Variants in TMC1 observed in about 807,000 individuals in gnomAD.
TMC1 encodes transmembrane channel like 1.
Under a neutral mutation model 105.8 loss-of-function variants are expected in TMC1, and 84 were observed. The ratio of observed to expected loss-of-function variants is 0.79; its 90% confidence interval spans 0.67 to 0.95. TMC1 has a LOEUF of 0.95. Ranked by LOEUF, TMC1 falls within the 40% of genes least tolerant of loss-of-function variation. The probability of loss-of-function intolerance (pLI) is 0.00; values close to 1 mark genes in which losing one functional copy is unlikely to be tolerated. For missense variants in TMC1, 817 were observed against 914.1 expected (o/e 0.89, Z 1.37); for synonymous variants, 315 against 311.5 (o/e 1.01, Z -0.12).
Position 72,812,557 on chromosome 9 carries a change from C to G in TMC1, c.1696-3586C>G, listed in dbSNP as rs566825296. Among the ~76,000 whole-genome samples, 10 of 152,254 alleles carry G rather than the reference C, an allele frequency of 6.6e-5. 1 individual carries two copies. The highest frequency in any genetic ancestry group is 2.2e-4 in the African/African-American group (9 of 41,544). On this transcript the variant is annotated intron_variant, in intron 18 of 23. Transcript: ENST00000297784. ...TGGAATTTGAGCATACATCAGAATC[C>G]CCTGAGGACCTGTGAAAACAGCATT...
intron 12 of TMC1, among the ~76,000 whole-genome samples, chr9:72,768,090 T>C (rs954753317): frequency 6.6e-6 from 1 of 152,156 alleles, no homozygotes; most frequent in Non-Finnish European, 1.5e-5. Flanking sequence ...CCATCAATGA[T>C]AGACTGGATA....
intron 1 of TMC1, among the ~76,000 whole-genome samples, chr9:72,559,520 C>T (rs1824009068): frequency 6.6e-6 from 1 of 152,170 alleles, no homozygotes; most frequent in South Asian, 2.1e-4. Flanking sequence ...ACGACCAGGT[C>T]ATATTCTGAG....
intron 5 of TMC1, among the ~76,000 whole-genome samples, chr9:72,673,213 G>A (rs955492905): frequency 6.6e-6 from 1 of 152,092 alleles, no homozygotes; most frequent in Non-Finnish European, 1.5e-5. Context: ...GCAGTATTTA[G>A]AGGAAAATTT....
At chr9:72,690,115 C>T (rs1826440559) in intron 6 of TMC1, among the ~76,000 whole-genome samples, 6 of 151,370 alleles carry the variant, frequency 4.0e-5, no homozygotes, top group Admixed American at 3.3e-4. Flanking sequence ...TTTTGTGTGT[C>T]TTCTATAGAA....
chr9:72,572,966 CAG>C (rs1244432926), intron 1 of TMC1, among the ~76,000 whole-genome samples: 11 of 152,156 alleles, frequency 7.2e-5, no homozygotes, highest in Admixed American at 5.9e-4. Context: ...CACTCCAACA[CAG>C]GGGACAGAGT....
chr9:72,800,508 C>T (rs564057621), intron 17 of TMC1, among the ~76,000 whole-genome samples: 5 of 152,194 alleles, frequency 3.3e-5, no homozygotes, highest in African/African-American at 1.2e-4. Context: ...GATAGGAATG[C>T]GAATGCAATC....
chr9:72,525,459 C>T lies in TMC1; in HGVS notation c.-428+3546C>T, dbSNP rs182729578. 1.7e-4 allele frequency among the ~76,000 whole-genome samples: 26 copies of T among 152,220 alleles called. No homozygotes were observed. In the East Asian group the frequency reaches 2.1e-3, roughly 12 times the overall value. ...GGCTTGTGTGATGGGAAGTTTAGGG[C>T]GAGACCAATGTCTTGCTTTAACAAC... On this transcript the variant is annotated intron_variant, in intron 1 of 23. Coordinates refer to ENST00000297784, the MANE Select transcript of TMC1 (RefSeq NM_138691.3).
At chr9:72,569,414 A>G (rs1384856745) in intron 1 of TMC1, among the ~76,000 whole-genome samples, 8 of 152,188 alleles carry the variant, frequency 5.3e-5, no homozygotes, top group Non-Finnish European at 1.0e-4. Context: ...GGTATACTGA[A>G]AGAGAATTGG....
At chr9:72,826,352 G>C (rs1828954240) in intron 20 of TMC1, among the ~76,000 whole-genome samples, 1 of 152,064 alleles carries the variant, frequency 6.6e-6, no homozygotes. Context: ...CCCATGATTC[G>C]GTGTGGTTAC....
intron 1 of TMC1, among the ~76,000 whole-genome samples, chr9:72,574,832 C>T (rs1824348360): frequency 6.6e-6 from 1 of 152,166 alleles, no homozygotes; most frequent in South Asian, 2.1e-4. Context: ...GCTGATCTCC[C>T]CATCTTCACC....
At chr9:72,697,421 C>A (rs1826569085) in intron 7 of TMC1, among the ~76,000 whole-genome samples, 1 of 151,998 alleles carries the variant, frequency 6.6e-6, no homozygotes. Flanking sequence ...GTATATGTGT[C>A]CCAGAGAAAT....
intron 15 of TMC1, among the ~76,000 whole-genome samples, chr9:72,789,991 CT>C (rs1371083565): frequency 2.0e-5 from 3 of 152,100 alleles, no homozygotes; most frequent in African/African-American, 7.2e-5. Context: ...CGTAATTTGC[CT>C]TTAGAGTATC....
At chr9:72,603,376 C>G (rs1442972017) in intron 2 of TMC1, among the ~76,000 whole-genome samples, 15 of 131,694 alleles carry the variant, frequency 1.1e-4, no homozygotes, top group African/African-American at 4.8e-4. Context: ...TACTCCTTCT[C>G]TCTCCCCACT....
At chr9:72,798,731 G>C (rs1368362981) in intron 17 of TMC1, among the ~76,000 whole-genome samples, 1 of 151,884 alleles carries the variant, frequency 6.6e-6, no homozygotes, top group Non-Finnish European at 1.5e-5. Flanking sequence ...ATAACTATTG[G>C]GTACTGGGTT....
chr9:72,659,314 A>T (rs1468674862), intron 5 of TMC1, among the ~76,000 whole-genome samples: 7 of 152,164 alleles, frequency 4.6e-5, no homozygotes, highest in Non-Finnish European at 1.0e-4. Flanking sequence ...AGGGGTGGAA[A>T]AGTGAAATTC....
chr9:72,623,972 C>T (rs1825300720), intron 3 of TMC1, among the ~76,000 whole-genome samples: 1 of 152,076 alleles, frequency 6.6e-6, no homozygotes, highest in Non-Finnish European at 1.5e-5. Context: ...AGAGGAACTG[C>T]AGGAAGAAAA....
At chr9:72,815,399 A>G (rs1828769825) in intron 18 of TMC1, among the ~76,000 whole-genome samples, 1 of 151,974 alleles carries the variant, frequency 6.6e-6, no homozygotes. Flanking sequence ...CTTTTTTTAT[A>G]TTTCTTTTGC....
intron 1 of TMC1, among the ~76,000 whole-genome samples, chr9:72,569,295 C>G (rs1247313751): frequency 1.3e-5 from 2 of 151,910 alleles, no homozygotes. Context: ...AGTACAGATG[C>G]AACTTTTTTT....
At chr9:72,816,994 C>CA (rs1371112767) in intron 19 of TMC1, 1 of 152,206 alleles carries the variant, frequency 6.6e-6, no homozygotes, top group African/African-American at 2.4e-5. Flanking sequence ...GTGCCTAAGA[C>CA]AATATTATGC....
Sources: allele counts gnomAD v4.1 joint callset (sites outside exome capture counted in the v4.1 genomes callset), GRCh38; gene constraint gnomAD v4.1.1; transcripts MANE v1.5; gene names NCBI Gene and HGNC (gene_info 2026-07-23, HGNC 2026-07-21).